PPP2R2B: variants seen among roughly 807,000 people sequenced by gnomAD.
PPP2R2B encodes the protein protein phosphatase 2 regulatory subunit Bbeta.
A neutral mutation model predicts 46.0 loss-of-function variants in PPP2R2B; 5 were observed. That is an observed-to-expected ratio of 0.11 (90% confidence interval 0.06 to 0.23). The LOEUF (loss-of-function observed/expected upper bound fraction) is 0.23, where lower values mean the gene tolerates loss of function less well. Among genes scored for constraint, PPP2R2B ranks in the 10% least tolerant of loss-of-function variants. The pLI is 1.00. For missense variants in PPP2R2B, 367 were observed against 575.0 expected, an observed-to-expected ratio of 0.64 and a Z score of 3.70; for synonymous variants, 215 against 206.7, an observed-to-expected ratio of 1.04 and a Z score of -0.34.
intron 1 of PPP2R2B, among the ~76,000 whole-genome samples, chr5:146,942,947 G>A (rs868653757): frequency 2.0e-5 from 3 of 151,912 alleles, no homozygotes; most frequent in African/African-American, 7.3e-5. Flanking sequence ...ACAGGTGCCC[G>A]CCACCACGCC....
chr5:146,695,747 G>A lies in PPP2R2B; in HGVS notation c.334+2232C>T, dbSNP rs77950942. 3.0e-3 allele frequency among the ~76,000 whole-genome samples: 455 copies of A among 152,230 alleles called. 3 individuals carry two copies. The highest frequency in any genetic ancestry group is 4.6e-3 in the Non-Finnish European group (312 of 68,008). On this transcript the variant is annotated intron_variant, in intron 4 of 9. Coordinates refer to ENST00000394411, the MANE Select transcript of PPP2R2B (RefSeq NM_181675.4). ...TTCTCTGAGTAGTTTATCATCGCTT[G>A]TGGCAGCTTTTAAACACAATCTTAT...
intron 1 of PPP2R2B, among the ~76,000 whole-genome samples, chr5:146,903,976 A>G (rs1407401731): frequency 1.3e-5 from 2 of 152,156 alleles, no homozygotes; most frequent in African/African-American, 4.8e-5. Context: ...TTATATTGTC[A>G]TCTTCTAAAC....
At chr5:146,908,434 T>A (rs1426734499) in intron 1 of PPP2R2B, among the ~76,000 whole-genome samples, 2 of 152,138 alleles carry the variant, frequency 1.3e-5, no homozygotes, top group Admixed American at 1.3e-4. Flanking sequence ...TTTCTTTCAA[T>A]ATGTATATTT....
At chr5:146,745,719 G>A (rs1453407608) in intron 2 of PPP2R2B, among the ~76,000 whole-genome samples, 1 of 152,154 alleles carries the variant, frequency 6.6e-6, no homozygotes, top group Non-Finnish European at 1.5e-5. Flanking sequence ...CAGCACTTTG[G>A]GAGGCCAAGG....
At chr5:146,791,450 G>A in intron 2 of PPP2R2B, among the ~76,000 whole-genome samples, 1 of 151,890 alleles carries the variant, frequency 6.6e-6, no homozygotes, top group Non-Finnish European at 1.5e-5. Context: ...CAGCTTACAG[G>A]TCTGAGCTAA....
chr5:146,867,273 T>C (rs906627797), intron 2 of PPP2R2B, among the ~76,000 whole-genome samples: 1 of 152,164 alleles, frequency 6.6e-6, no homozygotes, highest in Non-Finnish European at 1.5e-5. Context: ...AAATCAAAAT[T>C]GGGCATGGTC....
chr5:146,837,797 C>G (rs981294839), intron 2 of PPP2R2B, among the ~76,000 whole-genome samples: 2 of 152,194 alleles, frequency 1.3e-5, no homozygotes, highest in African/African-American at 4.8e-5. Context: ...ACTCACATAT[C>G]TTCTGATGGC....
intron 7 of PPP2R2B, among the ~76,000 whole-genome samples, chr5:146,620,026 C>T (rs1352856584): frequency 6.6e-6 from 1 of 152,170 alleles, no homozygotes; most frequent in African/African-American, 2.4e-5. Context: ...CTGTTACCTG[C>T]CGGGCACCAT....
intron 1 of PPP2R2B, among the ~76,000 whole-genome samples, chr5:146,911,579 A>T (rs149068624): frequency 3.7e-4 from 57 of 152,344 alleles, no homozygotes; most frequent in African/African-American, 1.3e-3. Flanking sequence ...AAAGAAGGAT[A>T]TAAAAATAAT....
At chr5:146,670,716 G>C (rs11958907) in intron 5 of PPP2R2B, among the ~76,000 whole-genome samples, 26,627 of 151,672 alleles carry the variant, frequency 0.18, 2,803 homozygotes, top group East Asian at 0.36. Context: ...GGCTGGTCTC[G>C]AACTCCTGAC....
rs550835560 is a variant in PPP2R2B, at chr5:146,823,237, G to A, written c.70+54765C>T. Among the ~76,000 whole-genome samples, 45 of 152,004 alleles carry A rather than the reference G, an allele frequency of 3.0e-4. No individual in the cohort carries two copies. In the East Asian group the frequency reaches 3.7e-3, roughly 12 times the overall value. ...TTTTGAGATGGAGTCTTGCTCTGTC[G>A]CCCAGGCTGGAGTGCAGTGGCATGA... On this transcript the variant is annotated intron_variant, in intron 2 of 9. Coordinates refer to ENST00000394411, the MANE Select transcript of PPP2R2B (RefSeq NM_181675.4).
chr5:146,897,768 G>C (rs937088815), intron 1 of PPP2R2B, among the ~76,000 whole-genome samples: 2 of 150,992 alleles, frequency 1.3e-5, no homozygotes, highest in Non-Finnish European at 2.9e-5. Flanking sequence ...TACAATTCAA[G>C]AACCGGATGC....
intron 1 of PPP2R2B, among the ~76,000 whole-genome samples, chr5:147,001,114 T>C (rs987274765): frequency 6.6e-6 from 1 of 152,154 alleles, no homozygotes; most frequent in Non-Finnish European, 1.5e-5. Flanking sequence ...ATCAGCACTC[T>C]GTAAATAGAC....
At chr5:146,870,784 C>T (rs1275597263) in intron 2 of PPP2R2B, among the ~76,000 whole-genome samples, 2 of 152,140 alleles carry the variant, frequency 1.3e-5, no homozygotes, top group Non-Finnish European at 2.9e-5. Context: ...CACACAGACC[C>T]CCACCCCACT....
Position 146,812,561 on chromosome 5 carries a change from A to G in PPP2R2B, c.70+65441T>C, listed in dbSNP as rs1339441317. ...AGAGTTACTTAGTCCTCAGAAGAGT[A>G]TATATATATATATATATATATATAT... On this transcript the variant is annotated intron_variant, in intron 2 of 9. Coordinates refer to ENST00000394411, the MANE Select transcript of PPP2R2B (RefSeq NM_181675.4). Among the ~76,000 whole-genome samples, 13 of 4,522 alleles carry G rather than the reference A, an allele frequency of 2.9e-3. 1 individual carries two copies. Among genetic ancestry groups the G allele is most frequent in the African/African-American group, 0.015 (13 of 850 alleles). 3.0% of individuals were successfully genotyped at this position (4,522 alleles called of 152,430 possible).
chr5:146,900,746 C>T (rs149086181), intron 1 of PPP2R2B, among the ~76,000 whole-genome samples: 79 of 152,010 alleles, frequency 5.2e-4, no homozygotes, highest in Admixed American at 2.8e-3. Context: ...GGTATTAAGC[C>T]GGGCATGCAT....
chr5:146,917,450 C>A (rs1039096713), intron 1 of PPP2R2B, among the ~76,000 whole-genome samples: 1 of 152,164 alleles, frequency 6.6e-6, no homozygotes, highest in African/African-American at 2.4e-5. Flanking sequence ...TATATATGAG[C>A]CTCAGAGCCA....
intron 2 of PPP2R2B, among the ~76,000 whole-genome samples, chr5:146,713,476 A>C (rs1780318900): frequency 6.6e-6 from 1 of 152,246 alleles, no homozygotes; most frequent in African/African-American, 2.4e-5. Flanking sequence ...ATTTTACAAC[A>C]AAAAAGTGAA....
intron 2 of PPP2R2B, among the ~76,000 whole-genome samples, chr5:146,770,348 A>T (rs1754771502): frequency 6.6e-6 from 1 of 151,174 alleles, no homozygotes; most frequent in South Asian, 2.1e-4. Context: ...AAAAAAAAAA[A>T]AAAAAAAGAA....
Sources: allele counts gnomAD v4.1 joint callset (sites outside exome capture counted in the v4.1 genomes callset), GRCh38; gene constraint gnomAD v4.1.1; transcripts MANE v1.5; gene names NCBI Gene and HGNC (gene_info 2026-07-23, HGNC 2026-07-21).